DRC4: variants seen among roughly 807,000 people sequenced by gnomAD.
DRC4 encodes dynein regulatory complex subunit 4.
the DRC4 span, chr16:90,029,583 G>A: frequency 2.0e-5 from 6 of 297,108 alleles, no homozygotes; most frequent in Non-Finnish European, 4.1e-5. Flanking sequence ...GGTTGGATTC[G>A]GGGGTGCGTG....
At chr16:90,028,286 A>C in the DRC4 span, among the ~76,000 whole-genome samples, 1 of 138,888 alleles carries the variant, frequency 7.2e-6, no homozygotes, top group East Asian at 2.1e-4. Flanking sequence ...CCGGGTTCAC[A>C]CCATTCTCCT....
chr16:90,019,643 G>T, the DRC4 span: 1 of 423,084 alleles, frequency 2.4e-6, no homozygotes, highest in South Asian at 6.1e-5. The surrounding 1 kb of genome is among the most constrained non-coding windows in gnomAD (Gnocchi z 6.1). Flanking sequence ...CTTCCCTCGC[G>T]GGCCGCGCCC....
At chr16:90,041,335 G>A in the DRC4 span, among the ~76,000 whole-genome samples, 4 of 152,298 alleles carry the variant, frequency 2.6e-5, no homozygotes, top group East Asian at 1.9e-4. Context: ...TTTGCTGCTG[G>A]CCAGGTGTGA....
the DRC4 span, chr16:90,044,495 C>T: frequency 2.1e-6 from 1 of 471,086 alleles, no homozygotes; most frequent in Non-Finnish European, 4.4e-6. Context: ...CCCACTGGGG[C>T]TCTCACCTCC....
chr16:90,031,595 C>A, the DRC4 span: 1 of 1,276,990 alleles, frequency 7.8e-7, no homozygotes, highest in Non-Finnish European at 1.1e-6. Flanking sequence ...CTGTTCTTGG[C>A]TTTGGGAGTC....
the DRC4 span, chr16:90,031,390 C>G: frequency 1.9e-6 from 3 of 1,613,912 alleles, no homozygotes; most frequent in Non-Finnish European, 2.5e-6. Flanking sequence ...AAGATCCACA[C>G]CTTCTGGGAG....
chr16:90,042,484 G>A, the DRC4 span: 81 of 1,613,602 alleles, frequency 5.0e-5, 1 homozygote, highest in African/African-American at 4.4e-4. Flanking sequence ...TTCTTGAGTC[G>A]AAGAACAGCA....
At chr16:90,022,871 T>C in the DRC4 span, 1 of 806,814 alleles carries the variant, frequency 1.2e-6, no homozygotes, top group Non-Finnish European at 1.7e-6. Flanking sequence ...CTTGTGGGGG[T>C]CTCCGTGGGG....
At chr16:90,036,895 A>G in the DRC4 span, 1 of 561,048 alleles carries the variant, frequency 1.8e-6, no homozygotes, top group South Asian at 2.0e-5. Context: ...GCTGGAGTGG[A>G]TAGGTGTCAT....
At chr16:90,021,308 C>T in the DRC4 span, among the ~76,000 whole-genome samples, 4 of 152,312 alleles carry the variant, frequency 2.6e-5, no homozygotes, top group African/African-American at 4.8e-5. Flanking sequence ...GTCCACCAGG[C>T]CTTCTTTCAT....
chr16:90,028,990 C>T, the DRC4 span: 1 of 1,305,154 alleles, frequency 7.7e-7, no homozygotes, highest in Non-Finnish European at 1.0e-6. Context: ...GTGATGGGGT[C>T]AGGTTTGTGT....
At chr16:90,044,155 C>T in the DRC4 span, 13 of 455,260 alleles carry the variant, frequency 2.9e-5, no homozygotes, top group Admixed American at 4.8e-5. Flanking sequence ...GTAAGTCAGG[C>T]GCTTCTGCGG....
chr16:90,035,453 G>A, the DRC4 span, among the ~76,000 whole-genome samples: 103 of 152,280 alleles, frequency 6.8e-4, no homozygotes, highest in Admixed American at 2.9e-3. Flanking sequence ...GGAACCAAGC[G>A]GGTTCAGTGC....
the DRC4 span, chr16:90,036,131 C>T: frequency 5.7e-5 from 33 of 577,918 alleles, no homozygotes; most frequent in African/African-American, 4.9e-4. Context: ...TGTTGGCACC[C>T]CCAGTGCAGG....
chr16:90,026,129 G>T, the DRC4 span, among the ~76,000 whole-genome samples: 1 of 149,902 alleles, frequency 6.7e-6, no homozygotes, highest in East Asian at 1.9e-4. Context: ...TTTAAAAAAG[G>T]TTACCGAGAC....
At chr16:90,044,164 G>C in the DRC4 span, 1 of 454,986 alleles carries the variant, frequency 2.2e-6, no homozygotes, top group Admixed American at 2.4e-5. Flanking sequence ...GCGCTTCTGC[G>C]GCGGCTCCAG....
chr16:90,035,703 G>A, the DRC4 span: 1 of 1,614,072 alleles, frequency 6.2e-7, no homozygotes, highest in African/African-American at 1.3e-5. Flanking sequence ...TTTCCCGTGT[G>A]CTCATTGTGT....
chr16:90,032,062 A>G, the DRC4 span, among the ~76,000 whole-genome samples: 3,139 of 151,970 alleles, frequency 0.021, 53 homozygotes, highest in South Asian at 0.062. Context: ...AGTGCAGGCG[A>G]CCAGGTGTGT....
the DRC4 span, among the ~76,000 whole-genome samples, chr16:90,034,405 C>T: frequency 1.5e-4 from 23 of 152,276 alleles, no homozygotes; most frequent in African/African-American, 4.1e-4. Context: ...GGGTGTATCA[C>T]GAGGTCAGGA....
Sources: gnomAD v4.1 joint callset for allele counts (sites outside exome capture counted in the v4.1 genomes callset) on GRCh38, gnomAD v4.1.1 for gene constraint, Gnocchi (gnomAD v3.1) non-coding constraint, MANE v1.5 for transcripts, NCBI Gene and HGNC (gene_info 2026-07-23, HGNC 2026-07-21) for gene names.